The following LHFPL3 variants were observed in gnomAD, a reference collection of about 807,000 sequenced individuals.
LHFPL3 encodes the protein LHFPL tetraspan subfamily member 3 protein.
In LHFPL3, 5 loss-of-function variants were observed where a neutral mutation model predicts 19.3. The observed-to-expected ratio is 0.26, with a 90% CI of 0.14 to 0.54. The LOEUF (loss-of-function observed/expected upper bound fraction) is 0.54. LHFPL3 is among the 20% of genes least tolerant of loss of function. LHFPL3 has a pLI of 0.94. For missense variants in LHFPL3, 249 were observed against 307.4 expected (o/e 0.81, Z 1.42); for synonymous variants, 133 against 126.2 (o/e 1.05, Z -0.36).
At chr7:104,331,786 C>G (rs1249779748) in intron 1 of LHFPL3, among the ~76,000 whole-genome samples, 2 of 151,902 alleles carry the variant, frequency 1.3e-5, no homozygotes, top group African/African-American at 4.8e-5. Context: ...TCCATCTCTA[C>G]TAAAAATACA....
At chr7:104,539,134 G>A (rs558146338) in intron 1 of LHFPL3, among the ~76,000 whole-genome samples, 1 of 152,296 alleles carries the variant, frequency 6.6e-6, no homozygotes, top group East Asian at 1.9e-4. Context: ...TGTGAGGCCT[G>A]TGTCAGGCAT....
chr7:104,463,937 C>G (rs193237844), intron 1 of LHFPL3, among the ~76,000 whole-genome samples: 6 of 152,340 alleles, frequency 3.9e-5, no homozygotes, highest in African/African-American at 1.4e-4. Flanking sequence ...AAAGTCTTAA[C>G]TCATTCCAGC....
intron 1 of LHFPL3, among the ~76,000 whole-genome samples, chr7:104,587,345 G>A (rs935941379): frequency 1.2e-4 from 18 of 152,040 alleles, no homozygotes; most frequent in African/African-American, 4.1e-4. Context: ...GTTCAATTCC[G>A]ACGTATGAGT....
chr7:104,622,268 C>G (rs1458406171), intron 1 of LHFPL3, among the ~76,000 whole-genome samples: 2 of 152,142 alleles, frequency 1.3e-5, no homozygotes, highest in East Asian at 3.9e-4. Context: ...GGCCACCACA[C>G]TCAGCTCATT....
chr7:104,712,227 T>G (rs1211746354), intron 1 of LHFPL3, among the ~76,000 whole-genome samples: 3 of 152,208 alleles, frequency 2.0e-5, no homozygotes, highest in Non-Finnish European at 2.9e-5. Context: ...GTTTGGGCTA[T>G]TACAACAAAG....
At chr7:104,371,557 T>G (rs977132885) in intron 1 of LHFPL3, among the ~76,000 whole-genome samples, 1 of 152,252 alleles carries the variant, frequency 6.6e-6, no homozygotes, top group African/African-American at 2.4e-5. Context: ...CACTTCGGAC[T>G]GAAACTTTAT....
At chr7:104,559,994 G>A (rs564709046) in intron 1 of LHFPL3, among the ~76,000 whole-genome samples, 336 of 149,896 alleles carry the variant, frequency 2.2e-3, no homozygotes, top group South Asian at 0.017. Context: ...ATTGATTTGC[G>A]TATATTGAAC....
chr7:104,492,021 GTGT>G, intron 1 of LHFPL3, among the ~76,000 whole-genome samples: 1 of 152,270 alleles, frequency 6.6e-6, no homozygotes, highest in African/African-American at 2.4e-5. Flanking sequence ...GCATATACAA[GTGT>G]TGTAAGGTTT....
chr7:104,720,698 A>G (rs752967751), intron 1 of LHFPL3, among the ~76,000 whole-genome samples: 5 of 152,222 alleles, frequency 3.3e-5, no homozygotes, highest in Non-Finnish European at 5.9e-5. Context: ...TTTACAAGAA[A>G]AAAAACACCC....
intron 1 of LHFPL3, among the ~76,000 whole-genome samples, chr7:104,332,218 C>CTTTTTTT (rs1562866567): frequency 3.1e-5 from 3 of 95,898 alleles, no homozygotes; most frequent in East Asian, 6.9e-4. Flanking sequence ...AATCCTATTT[C>CTTTTTTT]TTTTCTTTTT....
intron 1 of LHFPL3, among the ~76,000 whole-genome samples, chr7:104,468,955 G>T (rs182343633): frequency 2.0e-5 from 3 of 152,090 alleles, no homozygotes; most frequent in African/African-American, 7.2e-5. Flanking sequence ...CACAATGCAC[G>T]GCCTTGTGCA....
intron 1 of LHFPL3, among the ~76,000 whole-genome samples, chr7:104,495,571 G>A (rs1462029792): frequency 6.6e-6 from 1 of 152,120 alleles, no homozygotes; most frequent in Admixed American, 6.5e-5. Flanking sequence ...TTTTAGTAGA[G>A]ATGGGGTTTC....
At chr7:104,501,301 G>T (rs1490343247) in intron 1 of LHFPL3, among the ~76,000 whole-genome samples, 1 of 152,050 alleles carries the variant, frequency 6.6e-6, no homozygotes, top group South Asian at 2.1e-4. Context: ...AACAGCATTC[G>T]TTCTACTAAT....
chr7:104,822,387 G>T (rs917284634), intron 2 of LHFPL3, among the ~76,000 whole-genome samples: 2 of 152,142 alleles, frequency 1.3e-5, no homozygotes, highest in African/African-American at 4.8e-5. Flanking sequence ...TTTCATCCTA[G>T]TCTAAATCTG....
intron 2 of LHFPL3, among the ~76,000 whole-genome samples, chr7:104,838,258 G>A (rs1791135456): frequency 6.6e-6 from 1 of 152,122 alleles, no homozygotes; most frequent in Non-Finnish European, 1.5e-5. Context: ...TAATCTATCT[G>A]GGGAGGGAGG....
At chr7:104,732,351 T>C (rs2116285546) in intron 1 of LHFPL3, among the ~76,000 whole-genome samples, 1 of 152,350 alleles carries the variant, frequency 6.6e-6, no homozygotes, top group African/African-American at 2.4e-5. Flanking sequence ...ATCCATCTGA[T>C]CCTGGACTTT....
chr7:104,418,889 A>G (rs905767084), intron 1 of LHFPL3, among the ~76,000 whole-genome samples: 1 of 152,248 alleles, frequency 6.6e-6, no homozygotes, highest in Admixed American at 6.5e-5. Flanking sequence ...GCACCGTGCT[A>G]AGCCTGCACT....
rs1419157223 is a variant in LHFPL3 at position 104,831,578 on chromosome 7, C to T, written c.683-74609C>T. Among the ~76,000 whole-genome samples, 7 of 151,828 alleles carry T rather than the reference C, an allele frequency of 4.6e-5. 1 individual carries two copies. The highest frequency in any genetic ancestry group is 1.7e-4 in the African/African-American group (7 of 41,138). On this transcript the variant is annotated intron_variant, in intron 2 of 2. Transcript: ENST00000424859. ...AATGCCCTCACCCACCCCTTCTTTA[C>T]CCAAACCTACCCTTATTACACCAAA...
intron 2 of LHFPL3, among the ~76,000 whole-genome samples, chr7:104,904,754 C>T (rs962151996): frequency 1.3e-5 from 2 of 152,104 alleles, no homozygotes; most frequent in Non-Finnish European, 2.9e-5. Flanking sequence ...ACACCGTGAC[C>T]AGCTAGCTGT....
Sources: allele counts gnomAD v4.1 joint callset (sites outside exome capture counted in the v4.1 genomes callset), GRCh38; gene constraint gnomAD v4.1.1; transcripts MANE v1.5; gene names NCBI Gene and HGNC (gene_info 2026-07-23, HGNC 2026-07-21).